The following ANKRD28 variants were observed in gnomAD, a reference collection of about 807,000 sequenced individuals.
The protein encoded by ANKRD28 is ankyrin repeat domain 28.
Under a neutral mutation model 126.5 loss-of-function variants are expected in ANKRD28, and 44 were observed. The ratio of observed to expected loss-of-function variants is 0.35; its 90% CI spans 0.27 to 0.45. The LOEUF (loss-of-function observed/expected upper bound fraction) is 0.45. Ranked by LOEUF, ANKRD28 falls within the 20% of genes least tolerant of loss-of-function variation. ANKRD28 has a pLI of 1.00. For synonymous variants in ANKRD28, 442 were observed against 468.5 expected, an observed-to-expected ratio of 0.94 and a Z score of 0.73; for missense variants, 1,110 against 1,316.6, an observed-to-expected ratio of 0.84 and a Z score of 2.43.
rs1266196558 is a variant in ANKRD28 at position 15,686,002 on chromosome 3, C to G, written c.2169G>C (p.Gly723=). ...AAGGAAAGAGCATATTTCTGCTTAC[C>G]CCTCTATGCAACGCTGTCCTTCCCC... ...DKWGRTALHR[G]AVTGHEECVD... The change falls in exon 20 of 28, where the codon GGG becomes GGC. Residue 723 remains glycine, a splice_region_variant and synonymous_variant. Transcript: ENST00000683139. The G allele has an allele frequency of 6.2e-7, 1 of 1,611,416 alleles. No homozygotes were observed. The highest frequency in any genetic ancestry group is 8.5e-7 in the Non-Finnish European group (1 of 1,178,486).
intron 2 of ANKRD28, among the ~76,000 whole-genome samples, chr3:15,775,962 G>A (rs1237364079): frequency 6.6e-6 from 1 of 152,168 alleles, no homozygotes; most frequent in Non-Finnish European, 1.5e-5. Context: ...CTCTAATCAT[G>A]CTTTGGTCTT....
chr3:15,735,573 C>G lies in ANKRD28; in HGVS notation c.553-76G>C, dbSNP rs1047685983. 197 of 1,098,276 alleles carry G rather than the reference C, an allele frequency of 1.8e-4. 2 individuals are homozygous for G. Among genetic ancestry groups the G allele is most frequent in the South Asian group, 2.5e-4 (17 of 67,948 alleles). The allele number at this position is 1,098,276 out of a possible 1,614,324, so 68.0% of individuals were successfully genotyped here. On this transcript the variant is annotated intron_variant, in intron 5 of 27. Transcript: ENST00000683139. The stretch of plus-strand genomic sequence containing the variant: ...TATGAATGTACATTTCTGACAGTTA[C>G]TTATCTCAACTTCTCTGGCACTAAA...
chr3:15,756,078 T>C lies in ANKRD28; in HGVS notation c.281-4258A>G, dbSNP rs2058138799. 5.3e-5 allele frequency among the ~76,000 whole-genome samples: 8 copies of C among 152,358 alleles called. No individual in the cohort carries two copies. The South Asian group carries it at 1.4e-3, about 28-fold the overall frequency. On this transcript the variant is annotated intron_variant, in intron 3 of 27. Transcript: ENST00000683139. The stretch of plus-strand genomic sequence containing the variant: ...GTATAATCAATATTTTAACAAGTCT[T>C]TTCTTGTCCCCCACAAATCTATGCA...
At position 15,816,330 on chromosome 3, in the gene ANKRD28, T is replaced by C. The variant is rs562194172; in HGVS notation, c.28-21024A>G. Among the ~76,000 whole-genome samples the C allele has an allele frequency of 1.3e-5, 2 of 152,344 alleles. No individual in the cohort carries two copies. The highest frequency in any genetic ancestry group is 2.1e-4 in the South Asian group (1 of 4,830). On this transcript the variant is annotated intron_variant, in intron 1 of 27. Coordinates refer to the ANKRD28 transcript ENST00000399451. This position sits in a 1 kb window ranked among gnomAD's most constrained non-coding sequence, Gnocchi z 5.0. ...CTATTTATATGCTAAATGCACGGAA[T>C]ATAGCAGTAAACACAAGAATAGTTT...
rs558609520 is a variant in ANKRD28, at chr3:15,797,393, G to A, written c.-872C>T. 14 of 985,314 alleles carry A rather than the reference G, an allele frequency of 1.4e-5. No individual in the cohort carries two copies. The highest frequency in any genetic ancestry group is 5.2e-4 in the Middle Eastern group (1 of 1,914). The allele number at this position is 985,314 out of a possible 1,614,324, so 61.0% of individuals were successfully genotyped here. A position where few individuals can be genotyped will look rare whatever the true frequency, so the allele number is the denominator to read the frequency against. ...ATCGATAGCATAAGCAAGGCAGAGC[G>A]TTCATTCTTTCTCCATCAGGCAGTT... is the stretch of plus-strand genomic sequence containing the variant. On this transcript the variant is annotated 5_prime_UTR_variant, in exon 1 of 28. It adds an upstream start codon to the 5' untranslated region. Transcript: ENST00000683139.
At chr3:15,702,344 T>C (rs1301862698) in intron 14 of ANKRD28, among the ~76,000 whole-genome samples, 1 of 152,150 alleles carries the variant, frequency 6.6e-6, no homozygotes, top group Non-Finnish European at 1.5e-5. Context: ...GTGAACTTCA[T>C]TAGAGGGTGG....
At chr3:15,826,350 T>C (rs549124528) in intron 1 of ANKRD28, among the ~76,000 whole-genome samples, 13 of 152,182 alleles carry the variant, frequency 8.5e-5, no homozygotes, top group Non-Finnish European at 1.5e-4. Context: ...TACAGATATA[T>C]AGAAATTACA....
At chr3:15,770,567 C>T (rs73817108) in intron 2 of ANKRD28, among the ~76,000 whole-genome samples, 6,191 of 152,140 alleles carry the variant, frequency 0.041, 313 homozygotes, top group East Asian at 0.2. Context: ...GTGGCTAGGT[C>T]GTAAGAACAA....
intron 4 of ANKRD28, among the ~76,000 whole-genome samples, chr3:15,743,307 A>G (rs2057232569): frequency 1.3e-5 from 2 of 151,996 alleles, no homozygotes; most frequent in Non-Finnish European, 2.9e-5. Flanking sequence ...TTGTCCTATG[A>G]CCCTGCCAAA....
intron 4 of ANKRD28, among the ~76,000 whole-genome samples, chr3:15,741,862 G>A (rs373685256): frequency 6.6e-6 from 1 of 151,820 alleles, no homozygotes; most frequent in Non-Finnish European, 1.5e-5. Context: ...TCAGCCTGCC[G>A]AGTGCCTGCG....
chr3:15,838,735 C>T lies in ANKRD28; in HGVS notation c.27+20642G>A, dbSNP rs151329548. 1.4e-5 allele frequency among the ~76,000 whole-genome samples: 2 copies of T among 137,998 alleles called. No homozygotes were observed. Among genetic ancestry groups the T allele is most frequent in the East Asian group, 2.0e-4 (1 of 4,906 alleles). The allele number at this position is 137,998 out of a possible 152,430, so 90.5% of individuals were successfully genotyped here. A position where few individuals can be genotyped will look rare whatever the true frequency, so the allele number is the denominator to read the frequency against. On this transcript the variant is annotated intron_variant, in intron 1 of 27. Coordinates refer to the ANKRD28 transcript ENST00000399451. The surrounding 1 kb of genome is among the most constrained non-coding windows in gnomAD (Gnocchi z 4.0). ...TGCACTCCAGCCTGGGCAACAAGAACGAAACTCCGTCTCAAAAAAAAAAAA... is the reference window on the plus strand; with the variant it reads ...TGCACTCCAGCCTGGGCAACAAGAATGAAACTCCGTCTCAAAAAAAAAAAA...
chr3:15,742,754 G>C (rs1433495285), intron 4 of ANKRD28, among the ~76,000 whole-genome samples: 1 of 117,706 alleles, frequency 8.5e-6, no homozygotes, highest in African/African-American at 3.3e-5. Flanking sequence ...AGGGAGGTGA[G>C]GGGGTCAGCC....
At chr3:15,803,081 G>A (rs1288223130) in intron 1 of ANKRD28, among the ~76,000 whole-genome samples, 1 of 152,236 alleles carries the variant, frequency 6.6e-6, no homozygotes, top group Non-Finnish European at 1.5e-5. Context: ...TCATGTGATA[G>A]AGAGGCCTTG....
At chr3:15,779,526 T>C (rs868345019) in intron 2 of ANKRD28, among the ~76,000 whole-genome samples, 11 of 152,184 alleles carry the variant, frequency 7.2e-5, no homozygotes, top group Non-Finnish European at 1.3e-4. Context: ...AAAACTAAAT[T>C]TGACATAAAG....
chr3:15,849,949 G>A (rs1469083925), intron 1 of ANKRD28, among the ~76,000 whole-genome samples: 2 of 151,772 alleles, frequency 1.3e-5, no homozygotes, highest in African/African-American at 4.8e-5. Flanking sequence ...CCAAGTAAGA[G>A]GTTAAAGCAG....
chr3:15,693,596 A>G (rs2069116529), intron 17 of ANKRD28, among the ~76,000 whole-genome samples: 1 of 151,674 alleles, frequency 6.6e-6, no homozygotes, highest in East Asian at 1.9e-4. Flanking sequence ...TGAAATTATT[A>G]TAATGAGAAT....
At chr3:15,720,883 A>C (rs1316865334) in intron 8 of ANKRD28, 32 bp downstream of exon 8, 1 of 1,591,130 alleles carries the variant, frequency 6.3e-7, no homozygotes, top group East Asian at 2.2e-5. Flanking sequence ...GTGACATATG[A>C]AATACTTATA....
chr3:15,712,613 C>T (rs996462789), intron 10 of ANKRD28, among the ~76,000 whole-genome samples: 1 of 152,210 alleles, frequency 6.6e-6, no homozygotes, highest in Non-Finnish European at 1.5e-5. Flanking sequence ...GCAAAATTCA[C>T]TACCCTGTCA....
chr3:15,719,742 T>C (rs879863007), intron 8 of ANKRD28, among the ~76,000 whole-genome samples: 13 of 151,968 alleles, frequency 8.6e-5, no homozygotes, highest in Non-Finnish European at 1.6e-4. Context: ...TTGGTAGAGA[T>C]AGAGGTCTTG....
Sources: gnomAD v4.1 joint callset for allele counts (sites outside exome capture counted in the v4.1 genomes callset) on GRCh38, gnomAD v4.1.1 for gene constraint, Gnocchi (gnomAD v3.1) non-coding constraint, MANE v1.5 for transcripts, NCBI Gene and HGNC (gene_info 2026-07-23, HGNC 2026-07-21) for gene names.